NCOA1: variants seen among roughly 807,000 people sequenced by gnomAD.
NCOA1 encodes the protein Hin-2 protein.
NCOA1 carries 35 observed loss-of-function variants against 150.9 expected under a neutral mutation model. That is an observed-to-expected ratio of 0.23 (90% confidence interval 0.18 to 0.31). The LOEUF is 0.31. Among genes scored for constraint, NCOA1 ranks in the 10% least tolerant of loss-of-function variants. The probability of loss-of-function intolerance (pLI) is 1.00; values close to 1 mark genes in which losing one functional copy is unlikely to be tolerated. For synonymous variants in NCOA1, 590 were observed against 630.0 expected, an observed-to-expected ratio of 0.94 and a Z score of 0.95; for missense variants, 1,491 against 1,749.3, an observed-to-expected ratio of 0.85 and a Z score of 2.63.
intron 1 of NCOA1, among the ~76,000 whole-genome samples, chr2:24,549,437 G>A (rs1241390414): frequency 6.6e-6 from 1 of 152,204 alleles, no homozygotes; most frequent in Admixed American, 6.5e-5. Flanking sequence ...TTTTCCCCAT[G>A]TCTTGGTGAT....
At chr2:24,523,610 A>AAAAAAAAAAAAAAAAC (rs1664519298) in intron 1 of NCOA1, among the ~76,000 whole-genome samples, 2 of 119,610 alleles carry the variant, frequency 1.7e-5, no homozygotes, top group Non-Finnish European at 3.4e-5. Flanking sequence ...CGTCTCAAAA[A>AAAAAAAAAAAAAAAAC]AAAAAAAAAA....
At chr2:24,523,733 C>G (rs2148143400) in intron 1 of NCOA1, among the ~76,000 whole-genome samples, 1 of 149,946 alleles carries the variant, frequency 6.7e-6, no homozygotes, top group African/African-American at 2.4e-5. Context: ...CGAGACCATC[C>G]TGGCCAACAT....
intron 3 of NCOA1, among the ~76,000 whole-genome samples, chr2:24,604,202 G>A (rs773796959): frequency 6.6e-6 from 1 of 152,182 alleles, no homozygotes; most frequent in South Asian, 2.1e-4. Context: ...TCTAGGATTT[G>A]TTGTTATAGC....
chr2:24,644,771 A>G (rs569717342), intron 4 of NCOA1, among the ~76,000 whole-genome samples: 1 of 152,362 alleles, frequency 6.6e-6, no homozygotes, highest in African/African-American at 2.4e-5. Flanking sequence ...TTGTTAATTA[A>G]TAGACTTGTA....
intron 3 of NCOA1, among the ~76,000 whole-genome samples, chr2:24,622,094 G>A (rs1669194207): frequency 6.6e-6 from 1 of 152,186 alleles, no homozygotes; most frequent in African/African-American, 2.4e-5. Flanking sequence ...AGGAGAAGGA[G>A]AACCATACAG....
chr2:24,755,377 G>A (rs1664448276), intron 20 of NCOA1, among the ~76,000 whole-genome samples: 1 of 152,230 alleles, frequency 6.6e-6, no homozygotes, highest in African/African-American at 2.4e-5. Flanking sequence ...CATTTTAAAG[G>A]ATAAGAAGTC....
chr2:24,657,802 C>T (rs1232980023), intron 4 of NCOA1, among the ~76,000 whole-genome samples: 4 of 152,138 alleles, frequency 2.6e-5, no homozygotes, highest in Admixed American at 2.6e-4. Context: ...CAAGAATTTT[C>T]TTTCCTTTTA....
chr2:24,512,345 C>T (rs1156376103), intron 1 of NCOA1, among the ~76,000 whole-genome samples: 2 of 152,090 alleles, frequency 1.3e-5, no homozygotes, highest in African/African-American at 4.8e-5. Flanking sequence ...AGTTATTTTG[C>T]TTTTAGCAGT....
intron 20 of NCOA1, among the ~76,000 whole-genome samples, chr2:24,753,498 C>G (rs1664350733): frequency 6.6e-6 from 1 of 152,204 alleles, no homozygotes. Flanking sequence ...ACTAATCAGG[C>G]TTTCATTCCC....
chr2:24,684,898 G>A (rs556872168), intron 8 of NCOA1, among the ~76,000 whole-genome samples: 1 of 152,018 alleles, frequency 6.6e-6, no homozygotes, highest in Non-Finnish European at 1.5e-5. Context: ...TTTCCAAAAA[G>A]CATTTAGGAG....
chr2:24,675,573 AAG>A (rs1309108849), intron 7 of NCOA1, among the ~76,000 whole-genome samples: 1 of 152,204 alleles, frequency 6.6e-6, no homozygotes, highest in Non-Finnish European at 1.5e-5. Context: ...ACTAGGGGAA[AAG>A]ATGATCGTAG....
At position 24,683,127 on chromosome 2, in the gene NCOA1, A is replaced by G. The variant is rs1265783549; in HGVS notation, c.531A>G (p.Leu177=). The G allele has an allele frequency of 4.5e-6, 7 of 1,556,792 alleles. No homozygotes were observed. In the African/African-American group the frequency reaches 5.5e-5, roughly 12 times the overall value. The change falls in exon 8 of 23, where the codon CTA becomes CTG. Residue 177 remains leucine, a splice_region_variant and synonymous_variant. Transcript: ENST00000348332. ...EFVKNLLPKS[L]VNGVPWPQEA... Reference sequence around the variant, plus strand: ...TGAAGAATCTGCTACCAAAATCACTAGGTAAACAGAAATGTGTTTTTAAAA... The same window carrying G: ...TGAAGAATCTGCTACCAAAATCACTGGGTAAACAGAAATGTGTTTTTAAAA...
In NCOA1 at chr2:24,648,564, C is replaced by G. The variant is rs193195471; in HGVS notation, c.-18+4442C>G. 2.6e-4 allele frequency among the ~76,000 whole-genome samples: 39 copies of G among 152,310 alleles called. 1 individual carries two copies. The highest frequency in any genetic ancestry group is 2.3e-3 in the Admixed American group (35 of 15,302). On this transcript the variant is annotated intron_variant, in intron 4 of 22. Coordinates refer to ENST00000348332, the MANE Select transcript of NCOA1 (RefSeq NM_003743.5). ...GGGATTACAGGCGTGAGCAACTGCA[C>G]CCAGCCCTCATATTGTGATTTTATC...
intron 1 of NCOA1, among the ~76,000 whole-genome samples, chr2:24,530,905 C>T (rs1270230851): frequency 6.6e-6 from 1 of 152,162 alleles, no homozygotes; most frequent in Admixed American, 6.5e-5. Context: ...TATCAGACTT[C>T]TTTATAGCTC....
chr2:24,640,411 A>G (rs766097479), intron 3 of NCOA1, among the ~76,000 whole-genome samples: 5 of 152,154 alleles, frequency 3.3e-5, no homozygotes, highest in Non-Finnish European at 7.4e-5. Flanking sequence ...TATTATTGAG[A>G]GAGGAATGTT....
rs996555054 is a variant in NCOA1, at chr2:24,770,073, A to G, written c.*1682A>G. The G allele has an allele frequency of 1.7e-5, 4 of 229,538 alleles. No individual in the cohort carries two copies. The highest frequency in any genetic ancestry group is 8.9e-5 in the African/African-American group (4 of 45,112). 14.2% of individuals were successfully genotyped at this position (229,538 alleles called of 1,614,324 possible). On this transcript the variant is annotated 3_prime_UTR_variant, in exon 23 of 23. Transcript: ENST00000348332. Reference sequence around the variant, plus strand: ...CATCTATTCAGAAACTATGCCGAATAAAAAGATTGGTGGAAGGGCTCATGT... The same window carrying G: ...CATCTATTCAGAAACTATGCCGAATGAAAAGATTGGTGGAAGGGCTCATGT...
rs529837802 is a variant in NCOA1 at position 24,711,071 on chromosome 2, A to G, written c.2559A>G (p.Ser853=). The change falls in exon 14 of 23, where the codon TCA becomes TCG. Residue 853 remains serine, a synonymous_variant. Coordinates refer to ENST00000348332, the MANE Select transcript of NCOA1 (RefSeq NM_003743.5). ...VTIKSEILPA[S]LQSATARPTS... ...TCAAATCGGAGATCCTGCCAGCTTCACTTCAGTCCGCCACTGCCAGACCCA... is the reference window on the plus strand; with the variant it reads ...TCAAATCGGAGATCCTGCCAGCTTCGCTTCAGTCCGCCACTGCCAGACCCA... 1.9e-6 allele frequency: 3 copies of G among 1,614,098 alleles called. No homozygotes were observed. Among genetic ancestry groups the G allele is most frequent in the South Asian group, 2.2e-5 (2 of 91,068 alleles).
At chr2:24,686,772 A>G (rs1331622819) in intron 8 of NCOA1, among the ~76,000 whole-genome samples, 2 of 152,214 alleles carry the variant, frequency 1.3e-5, no homozygotes, top group Non-Finnish European at 2.9e-5. Flanking sequence ...GGGTATCTAG[A>G]AAGATCACCT....
chr2:24,619,098 A>C (rs1220531902), intron 3 of NCOA1, among the ~76,000 whole-genome samples: 1 of 152,190 alleles, frequency 6.6e-6, no homozygotes. Flanking sequence ...TGCTATAGTC[A>C]ACAATTAACA....
Sources: allele counts gnomAD v4.1 joint callset (sites outside exome capture counted in the v4.1 genomes callset), GRCh38; gene constraint gnomAD v4.1.1; transcripts MANE v1.5; gene names NCBI Gene and HGNC (gene_info 2026-07-23, HGNC 2026-07-21).